Variants in MGAT4C observed in about 807,000 individuals in gnomAD.
MGAT4C encodes MGAT4 family member C.
A neutral mutation model predicts 40.1 loss-of-function variants in MGAT4C; 19 were observed. The observed-to-expected ratio is 0.47, with a 90% CI of 0.33 to 0.70. The LOEUF (loss-of-function observed/expected upper bound fraction) is 0.70, where lower values mean the gene tolerates loss of function less well. Ranked by LOEUF, MGAT4C falls within the 30% of genes least tolerant of loss-of-function variation. MGAT4C has a pLI of 0.02. For missense variants in MGAT4C, 491 were observed against 563.2 expected (o/e 0.87, Z 1.30); for synonymous variants, 181 against 187.1 (o/e 0.97, Z 0.27).
At chr12:86,647,872 T>A (rs142292529) in intron 2 of MGAT4C, among the ~76,000 whole-genome samples, 1 of 152,076 alleles carries the variant, frequency 6.6e-6, no homozygotes, top group Non-Finnish European at 1.5e-5. Context: ...TAATTCCCTG[T>A]ACCAGGTTTA....
intron 3 of MGAT4C, among the ~76,000 whole-genome samples, chr12:86,335,729 A>G (rs1184267347): frequency 6.6e-6 from 1 of 152,166 alleles, no homozygotes; most frequent in Admixed American, 6.6e-5. Context: ...AACATATAGT[A>G]ACTAGAATTT....
chr12:86,483,000 T>C (rs1446647868), intron 2 of MGAT4C, among the ~76,000 whole-genome samples: 1 of 152,214 alleles, frequency 6.6e-6, no homozygotes, highest in Non-Finnish European at 1.5e-5. Flanking sequence ...TTTGTCTTAG[T>C]TACTTCTGGC....
At chr12:86,679,127 T>A (rs1307037202) in intron 2 of MGAT4C, among the ~76,000 whole-genome samples, 2 of 152,168 alleles carry the variant, frequency 1.3e-5, no homozygotes, top group East Asian at 3.9e-4. Flanking sequence ...CCATTCTAAC[T>A]GGTGTGAGAT....
intron 3 of MGAT4C, among the ~76,000 whole-genome samples, chr12:86,391,866 GA>G (rs1407407981): frequency 4.7e-5 from 7 of 150,136 alleles, no homozygotes; most frequent in East Asian, 2.0e-4. Context: ...CTCAAAAAAA[GA>G]AAAAAAAAGT....
chr12:86,625,248 T>TA (rs1593055281), intron 2 of MGAT4C, among the ~76,000 whole-genome samples: 1 of 152,124 alleles, frequency 6.6e-6, no homozygotes, highest in Non-Finnish European at 1.5e-5. Flanking sequence ...GAAGCATCCC[T>TA]AGCCGTGCAG....
chr12:86,292,323 TAAC>T (rs1953540306), intron 4 of MGAT4C, among the ~76,000 whole-genome samples: 1 of 151,876 alleles, frequency 6.6e-6, no homozygotes, highest in Non-Finnish European at 1.5e-5. Flanking sequence ...TATATAGATA[TAAC>T]TACTCCTTTA....
At chr12:86,012,782 ACC>A (rs1565857881) in intron 2 of MGAT4C, among the ~76,000 whole-genome samples, 5,192 of 135,916 alleles carry the variant, frequency 0.038, 107 homozygotes, top group African/African-American at 0.06. Context: ...AACAACAACC[ACC>A]ACCACCACCA....
intron 1 of MGAT4C, among the ~76,000 whole-genome samples, chr12:86,086,628 A>G: frequency 6.6e-6 from 1 of 152,100 alleles, no homozygotes; most frequent in East Asian, 1.9e-4. Flanking sequence ...CAATTAGTGT[A>G]ACTGGGGTAT....
At chr12:86,217,293 G>T (rs1950709310) in intron 1 of MGAT4C, among the ~76,000 whole-genome samples, 1 of 152,138 alleles carries the variant, frequency 6.6e-6, no homozygotes, top group Non-Finnish European at 1.5e-5. Context: ...TCCTGCCTCA[G>T]CCTCCTGAGT....
chr12:86,319,483 A>T (rs975818219), intron 4 of MGAT4C, among the ~76,000 whole-genome samples: 1 of 152,134 alleles, frequency 6.6e-6, no homozygotes, highest in African/African-American at 2.4e-5. Flanking sequence ...TACTATATTT[A>T]TTGGGGCATT....
At chr12:86,803,573 AAAAC>A (rs1220782316) in intron 1 of MGAT4C, among the ~76,000 whole-genome samples, 9 of 150,062 alleles carry the variant, frequency 6.0e-5, no homozygotes, top group Non-Finnish European at 1.3e-4. Context: ...TTACAAGAAA[AAAAC>A]AAACAACCCC....
At chr12:86,077,492 G>A (rs73380058) in intron 1 of MGAT4C, among the ~76,000 whole-genome samples, 2,778 of 152,282 alleles carry the variant, frequency 0.018, 97 homozygotes, top group African/African-American at 0.063. Context: ...AACAAAAGGA[G>A]TAGGAAATAC....
intron 2 of MGAT4C, among the ~76,000 whole-genome samples, chr12:86,038,723 GC>G (rs982381642): frequency 6.7e-6 from 1 of 149,668 alleles, no homozygotes; most frequent in Non-Finnish European, 1.5e-5. Context: ...GTGGCATTTA[GC>G]CCATTTACAT....
At chr12:86,773,636 C>G (rs1762871510) in intron 1 of MGAT4C, among the ~76,000 whole-genome samples, 1 of 152,012 alleles carries the variant, frequency 6.6e-6, no homozygotes, top group African/African-American at 2.4e-5. Context: ...ATAGCTACCA[C>G]AAGGCATATA....
chr12:86,681,092 ATTAC>A (rs1486568653), intron 2 of MGAT4C, among the ~76,000 whole-genome samples: 1 of 151,854 alleles, frequency 6.6e-6, no homozygotes, highest in Admixed American at 6.6e-5. Flanking sequence ...TAAAATATAT[ATTAC>A]TTAGTAATTT....
chr12:86,594,519 A>G (rs1961456412), intron 2 of MGAT4C, among the ~76,000 whole-genome samples: 1 of 152,196 alleles, frequency 6.6e-6, no homozygotes. Flanking sequence ...CACTTGTTAC[A>G]AAATACATTA....
At chr12:86,405,953 T>G (rs1565738026) in intron 3 of MGAT4C, among the ~76,000 whole-genome samples, 1 of 3,600 alleles carries the variant, frequency 2.8e-4, no homozygotes, top group Non-Finnish European at 4.8e-4. Flanking sequence ...AATACATGTA[T>G]GTATTTATAT....
At chr12:86,649,326 G>C (rs1399035413) in intron 2 of MGAT4C, among the ~76,000 whole-genome samples, 3 of 151,696 alleles carry the variant, frequency 2.0e-5, no homozygotes, top group Non-Finnish European at 4.4e-5. Context: ...TAAGCTCCTT[G>C]ATGAGTGAGG....
chr12:86,585,769 C>A (rs562652417), intron 2 of MGAT4C, among the ~76,000 whole-genome samples: 169 of 127,142 alleles, frequency 1.3e-3, no homozygotes, highest in Non-Finnish European at 2.2e-3. Context: ...TTTTTTCATT[C>A]CCCCACTTTA....
Sources: allele counts gnomAD v4.1 joint callset (sites outside exome capture counted in the v4.1 genomes callset), GRCh38; gene constraint gnomAD v4.1.1; transcripts MANE v1.5; gene names NCBI Gene and HGNC (gene_info 2026-07-23, HGNC 2026-07-21).